The following CNST variants were observed in gnomAD, a reference collection of about 807,000 sequenced individuals.
The protein encoded by CNST is consortin, connexin sorting protein.
Under a neutral mutation model 72.4 loss-of-function variants are expected in CNST, and 39 were observed. The ratio of observed to expected loss-of-function variants is 0.54; its 90% confidence interval spans 0.42 to 0.70. The LOEUF is 0.70. Among genes scored for constraint, CNST ranks in the 30% least tolerant of loss-of-function variants. CNST has a pLI of 0.00. For missense variants in CNST, 871 were observed against 868.5 expected (o/e 1.00, Z -0.04); for synonymous variants, 332 against 320.1 (o/e 1.04, Z -0.40).
At chr1:246,602,270 G>C (rs1662336264) in intron 2 of CNST, among the ~76,000 whole-genome samples, 1 of 152,208 alleles carries the variant, frequency 6.6e-6, no homozygotes, top group Non-Finnish European at 1.5e-5. Flanking sequence ...AAACTTAGCA[G>C]CTGAAAACAG....
intron 1 of CNST, among the ~76,000 whole-genome samples, chr1:246,583,235 C>G (rs1660912758): frequency 6.6e-6 from 1 of 152,218 alleles, no homozygotes; most frequent in South Asian, 2.1e-4. Context: ...TGTCTAACTT[C>G]TCACGCTGTT....
chr1:246,598,648 A>G (rs917044209), intron 2 of CNST, among the ~76,000 whole-genome samples: 4 of 152,168 alleles, frequency 2.6e-5, no homozygotes, highest in African/African-American at 9.7e-5. Flanking sequence ...TGGCCTCTAA[A>G]TCAGCTTTAT....
intron 9 of CNST, among the ~76,000 whole-genome samples, chr1:246,651,769 A>G (rs1351178190): frequency 2.0e-5 from 3 of 152,232 alleles, no homozygotes; most frequent in African/African-American, 4.8e-5. Context: ...GTTATCATCA[A>G]AAGTATAGTT....
intron 3 of CNST, among the ~76,000 whole-genome samples, chr1:246,629,175 G>C (rs1178043561): frequency 6.6e-6 from 1 of 152,064 alleles, no homozygotes; most frequent in Admixed American, 6.6e-5. Context: ...GCGAAATGAC[G>C]TGTCCAGGGC....
At position 246,599,176 on chromosome 1, in the gene CNST, G is replaced by GA. The variant is rs80319670; in HGVS notation, c.379+7249dup. Among the ~76,000 whole-genome samples the GA allele has an allele frequency of 2.5e-3, 275 of 109,258 alleles. 1 individual carries two copies. The highest frequency in any genetic ancestry group is 7.8e-3 in the South Asian group (25 of 3,214). The allele number at this position is 109,258 out of a possible 152,430, so 71.7% of individuals were successfully genotyped here. On this transcript the variant is annotated intron_variant, in intron 2 of 10. Coordinates refer to ENST00000366513, the MANE Select transcript of CNST (RefSeq NM_152609.3). ...AGGTCACTAGCCAAAACTGTCTTAGGAAAAAAAAAAAAAAGCCCCAATATT... is the reference window on the plus strand; with the variant it reads ...AGGTCACTAGCCAAAACTGTCTTAGGAAAAAAAAAAAAAAAGCCCCAATATT...
intron 2 of CNST, among the ~76,000 whole-genome samples, chr1:246,594,612 T>TA (rs751822416): frequency 3.5e-4 from 53 of 151,876 alleles, no homozygotes; most frequent in Non-Finnish European, 5.9e-5. Flanking sequence ...TCTAAAAAAA[T>TA]ACAAAAATTA....
rs1023392812 is a variant in CNST at position 246,646,387 on chromosome 1, A to T, written c.938-752A>T. On this transcript the variant is annotated intron_variant, in intron 8 of 10. Coordinates refer to ENST00000366513, the MANE Select transcript of CNST (RefSeq NM_152609.3). ...GAGTTTGTTCCTTTAATCTTAGTAA[A>T]CCAGACCAGTACTACTTTTCTTACA... Among the ~76,000 whole-genome samples the T allele has an allele frequency of 3.9e-5, 6 of 152,258 alleles. No homozygotes were observed. The South Asian group carries it at 1.0e-3, about 26-fold the overall frequency.
intron 2 of CNST, among the ~76,000 whole-genome samples, chr1:246,616,472 C>T (rs960469172): frequency 6.6e-6 from 1 of 152,066 alleles, no homozygotes; most frequent in Admixed American, 6.5e-5. Context: ...GTGGGAGGGT[C>T]GCTTGAGCCT....
At chr1:246,592,797 C>T (rs909638246) in intron 2 of CNST, among the ~76,000 whole-genome samples, 2 of 152,338 alleles carry the variant, frequency 1.3e-5, no homozygotes, top group Non-Finnish European at 2.9e-5. Context: ...TTATCTGTAT[C>T]ACTTTGGTTA....
intron 9 of CNST, among the ~76,000 whole-genome samples, chr1:246,649,297 T>G (rs150591417): frequency 6.6e-6 from 1 of 152,292 alleles, no homozygotes; most frequent in East Asian, 1.9e-4. Flanking sequence ...TTGCAATGAA[T>G]GCCACTGAAT....
At chr1:246,612,040 A>G (rs964328411) in intron 2 of CNST, among the ~76,000 whole-genome samples, 1 of 152,256 alleles carries the variant, frequency 6.6e-6, no homozygotes, top group Non-Finnish European at 1.5e-5. Flanking sequence ...TAAGCTATGT[A>G]GAATTGGCAA....
chr1:246,574,628 C>G (rs922418193), intron 1 of CNST, among the ~76,000 whole-genome samples: 5 of 151,794 alleles, frequency 3.3e-5, no homozygotes, highest in Non-Finnish European at 7.4e-5. Context: ...CCTGTGTTGC[C>G]CCAGCTGGTC....
intron 1 of CNST, among the ~76,000 whole-genome samples, chr1:246,571,314 A>G (rs1424656291): frequency 6.6e-6 from 1 of 151,948 alleles, no homozygotes; most frequent in Admixed American, 6.6e-5. Context: ...ACACCCAGCT[A>G]ATTTTTTGTA....
At chr1:246,665,295 C>T (rs1667341689) in intron 10 of CNST, among the ~76,000 whole-genome samples, 1 of 152,214 alleles carries the variant, frequency 6.6e-6, no homozygotes, top group Non-Finnish European at 1.5e-5. Flanking sequence ...ACTACTTGAG[C>T]CCAGGTGTCA....
At chr1:246,626,959 C>T (rs1664481533) in intron 3 of CNST, among the ~76,000 whole-genome samples, 1 of 152,180 alleles carries the variant, frequency 6.6e-6, no homozygotes, top group South Asian at 2.1e-4. Flanking sequence ...ACTTTATTTA[C>T]TTTTCCCTGC....
At chr1:246,579,765 A>AT (rs1660669242) in intron 1 of CNST, among the ~76,000 whole-genome samples, 1 of 152,160 alleles carries the variant, frequency 6.6e-6, no homozygotes, top group South Asian at 2.1e-4. Flanking sequence ...AAATAAATAA[A>AT]AATAAAAATC....
At chr1:246,653,646 A>C (rs984962656) in intron 9 of CNST, among the ~76,000 whole-genome samples, 1 of 152,210 alleles carries the variant, frequency 6.6e-6, no homozygotes, top group Non-Finnish European at 1.5e-5. Context: ...TTTTGTTTTT[A>C]TCATGACCTC....
intron 1 of CNST, among the ~76,000 whole-genome samples, chr1:246,582,453 A>G (rs535500213): frequency 6.7e-6 from 1 of 149,720 alleles, no homozygotes; most frequent in South Asian, 2.1e-4. Context: ...GGTTCAAGTG[A>G]TTTTCCTGCC....
intron 2 of CNST, among the ~76,000 whole-genome samples, chr1:246,596,314 C>G (rs1319254181): frequency 6.6e-6 from 1 of 151,370 alleles, no homozygotes; most frequent in African/African-American, 2.4e-5. Flanking sequence ...ACTTGGGAGG[C>G]TGAGGTGGGA....
Sources: gnomAD v4.1 joint callset for allele counts (sites outside exome capture counted in the v4.1 genomes callset) on GRCh38, gnomAD v4.1.1 for gene constraint, MANE v1.5 for transcripts, NCBI Gene and HGNC (gene_info 2026-07-23, HGNC 2026-07-21) for gene names.